Variants in SCAPER observed in about 807,000 individuals in gnomAD.
SCAPER encodes S-phase cyclin A associated protein in the ER.
SCAPER carries 98 observed loss-of-function variants against 182.2 expected under a neutral mutation model. That is an observed-to-expected ratio of 0.54 (90% CI 0.46 to 0.64). The LOEUF (loss-of-function observed/expected upper bound fraction) is 0.64, where lower values mean the gene tolerates loss of function less well. Ranked by LOEUF, SCAPER falls within the 30% of genes least tolerant of loss-of-function variation. The pLI is 0.00. For missense variants in SCAPER, 1,432 were observed against 1,690.0 expected, an observed-to-expected ratio of 0.85 and a Z score of 2.68; for synonymous variants, 605 against 564.6, an observed-to-expected ratio of 1.07 and a Z score of -1.01.
intron 8 of SCAPER, among the ~76,000 whole-genome samples, chr15:76,791,859 T>C (rs2065025652): frequency 6.6e-6 from 1 of 151,746 alleles, no homozygotes; most frequent in African/African-American, 2.4e-5. Context: ...TTAAAACACA[T>C]CAAACTTAAT....
At chr15:76,752,138 C>T (rs898444696) in intron 15 of SCAPER, among the ~76,000 whole-genome samples, 1 of 151,212 alleles carries the variant, frequency 6.6e-6, no homozygotes, top group Non-Finnish European at 1.5e-5. Context: ...AGATGCTCAA[C>T]ATCACTAATC....
chr15:76,747,814 T>C lies in SCAPER; in HGVS notation c.1866+5994A>G, dbSNP rs557601899. 2.6e-5 allele frequency among the ~76,000 whole-genome samples: 4 copies of C among 152,160 alleles called. No individual in the cohort carries two copies. In the South Asian group the frequency reaches 8.3e-4, roughly 32 times the overall value. On this transcript the variant is annotated intron_variant, in intron 15 of 31. Coordinates refer to ENST00000563290, the MANE Select transcript of SCAPER (RefSeq NM_020843.4). ...TGAGGCCCTCACCAAAAGTAGATGA[T>C]GGTGCCATGCTTCTTGTACAGCCTA...
At position 76,667,651 on chromosome 15, in the gene SCAPER, A is replaced by C. The variant is rs1445639872; in HGVS notation, c.2509-1862T>G. Among the ~76,000 whole-genome samples the C allele has an allele frequency of 2.2e-3, 243 of 110,652 alleles. 9 individuals carry two copies. The highest frequency in any genetic ancestry group is 7.5e-3 in the African/African-American group (231 of 30,906). 72.6% of individuals were successfully genotyped at this position (110,652 alleles called of 152,430 possible). A position where few individuals can be genotyped will look rare whatever the true frequency, so the allele number is the denominator to read the frequency against. On this transcript the variant is annotated intron_variant, in intron 20 of 31. Transcript: ENST00000563290. Reference sequence around the variant, plus strand: ...AAAAAAAAAAAAAAAAAAAAAAAAAAAAAAAAAAAAACGCTCCTCAGCCAG... The same window carrying C: ...AAAAAAAAAAAAAAAAAAAAAAAAACAAAAAAAAAAACGCTCCTCAGCCAG...
At chr15:76,697,149 T>C (rs2058695188) in intron 20 of SCAPER, among the ~76,000 whole-genome samples, 1 of 152,140 alleles carries the variant, frequency 6.6e-6, no homozygotes, top group Non-Finnish European at 1.5e-5. Context: ...AAAGACATCA[T>C]AGATGACAAG....
intron 23 of SCAPER, among the ~76,000 whole-genome samples, chr15:76,563,784 C>T (rs1049293299): frequency 1.3e-5 from 2 of 152,144 alleles, no homozygotes; most frequent in Non-Finnish European, 2.9e-5. Flanking sequence ...CAATCCAAAT[C>T]CAGCAACACA....
At chr15:76,649,168 T>C (rs1375875691) in intron 21 of SCAPER, among the ~76,000 whole-genome samples, 5 of 152,212 alleles carry the variant, frequency 3.3e-5, no homozygotes. Context: ...AACTCACTCC[T>C]TGTGTGTGTC....
chr15:76,704,961 G>A (rs1250933867), intron 18 of SCAPER, among the ~76,000 whole-genome samples: 1 of 152,154 alleles, frequency 6.6e-6, no homozygotes, highest in Non-Finnish European at 1.5e-5. Context: ...CTGTAAACTA[G>A]TTTGACCATT....
chr15:76,400,504 A>G (rs2044383252), intron 27 of SCAPER, among the ~76,000 whole-genome samples: 1 of 152,250 alleles, frequency 6.6e-6, no homozygotes. Context: ...CAATCTGTAA[A>G]TATCAGAAGT....
At chr15:76,898,163 TC>T (rs2074537459) in intron 1 of SCAPER, among the ~76,000 whole-genome samples, 1 of 152,114 alleles carries the variant, frequency 6.6e-6, no homozygotes, top group Non-Finnish European at 1.5e-5. Flanking sequence ...CATGTTGAAA[TC>T]ACTAGTCATT....
chr15:76,630,342 T>C lies in SCAPER; in HGVS notation c.2646-8513A>G, dbSNP rs570673754. ...TGGTTATTTCTTTTCTTCTCCTAGC[T>C]TTGGGGTTTGTTTGCTCTTGGTTCT... On this transcript the variant is annotated intron_variant, in intron 21 of 31. Coordinates refer to ENST00000563290, the MANE Select transcript of SCAPER (RefSeq NM_020843.4). Among the ~76,000 whole-genome samples, 3 of 152,276 alleles carry C rather than the reference T, an allele frequency of 2.0e-5. No individual in the cohort carries two copies. The East Asian group carries it at 5.8e-4, about 29-fold the overall frequency.
At chr15:76,358,065 C>T (rs1210478420) in intron 29 of SCAPER, among the ~76,000 whole-genome samples, 2 of 152,234 alleles carry the variant, frequency 1.3e-5, no homozygotes, top group African/African-American at 2.4e-5. Context: ...AACAGAAATA[C>T]ACTTGTACCC....
chr15:76,673,089 G>A (rs542293252), intron 20 of SCAPER, among the ~76,000 whole-genome samples: 9 of 152,056 alleles, frequency 5.9e-5, no homozygotes, highest in Non-Finnish European at 7.4e-5. Flanking sequence ...AGAAATATAA[G>A]CTAAAGATTT....
chr15:76,637,734 ATATATATATGTGTGTGTGTGTG>A lies in SCAPER; in HGVS notation c.2646-15927_2646-15906del, dbSNP rs1299795128. 3.3e-3 allele frequency among the ~76,000 whole-genome samples: 103 copies of A among 31,550 alleles called. 3 individuals carry two copies. Among genetic ancestry groups the A allele is most frequent in the African/African-American group, 7.9e-3 (99 of 12,482 alleles). The allele number at this position is 31,550 out of a possible 152,430, so 20.7% of individuals were successfully genotyped here. ...AATATATATGTGATTATATATATAT[ATATATATATGTGTGTGTGTGTG>A]TGTGTGTGTGTGTGTGTGTGTGTGT... On this transcript the variant is annotated intron_variant, in intron 21 of 31. Coordinates refer to ENST00000563290, the MANE Select transcript of SCAPER (RefSeq NM_020843.4).
chr15:76,378,662 G>C (rs370756314), intron 28 of SCAPER, among the ~76,000 whole-genome samples: 14 of 152,280 alleles, frequency 9.2e-5, no homozygotes, highest in African/African-American at 3.4e-4. Context: ...GCTTATGACT[G>C]ATTCAACCAA....
intron 27 of SCAPER, among the ~76,000 whole-genome samples, chr15:76,383,257 G>A (rs1028789001): frequency 6.6e-6 from 1 of 152,136 alleles, no homozygotes; most frequent in Non-Finnish European, 1.5e-5. Context: ...CACTCAAGAG[G>A]TGTCACTAAT....
chr15:76,785,150 C>T (rs964800482), intron 8 of SCAPER, among the ~76,000 whole-genome samples: 1 of 152,134 alleles, frequency 6.6e-6, no homozygotes, highest in Non-Finnish European at 1.5e-5. Context: ...GGGCTAATAT[C>T]TAGAATCTAC....
At chr15:76,561,244 T>A (rs1326638511) in intron 23 of SCAPER, among the ~76,000 whole-genome samples, 1 of 152,182 alleles carries the variant, frequency 6.6e-6, no homozygotes, top group Non-Finnish European at 1.5e-5. Context: ...TGTCACATGT[T>A]GGGCCAAAAG....
At chr15:76,816,806 C>T (rs982987962) in intron 5 of SCAPER, among the ~76,000 whole-genome samples, 1 of 152,084 alleles carries the variant, frequency 6.6e-6, no homozygotes. Flanking sequence ...GCGCCCGCCA[C>T]AATGCCCAGC....
chr15:76,655,485 A>G (rs780222462), intron 21 of SCAPER, among the ~76,000 whole-genome samples: 2 of 152,236 alleles, frequency 1.3e-5, no homozygotes, highest in African/African-American at 2.4e-5. Flanking sequence ...GACATCATCC[A>G]TGAAAATTTC....
Sources: allele counts gnomAD v4.1 joint callset (sites outside exome capture counted in the v4.1 genomes callset), GRCh38; gene constraint gnomAD v4.1.1; transcripts MANE v1.5; gene names NCBI Gene and HGNC (gene_info 2026-07-23, HGNC 2026-07-21).